SLC10A7: variants seen among roughly 807,000 people sequenced by gnomAD.
The protein encoded by SLC10A7 is sodium/bile acid cotransporter 7.
Under a neutral mutation model 43.2 loss-of-function variants are expected in SLC10A7, and 29 were observed. The observed-to-expected ratio is 0.67, with a 90% CI of 0.50 to 0.92. The LOEUF is 0.92. Ranked by LOEUF, SLC10A7 falls within the 40% of genes least tolerant of loss-of-function variation. SLC10A7 has a pLI of 0.00. For synonymous variants in SLC10A7, 152 were observed against 144.8 expected (o/e 1.05, Z -0.35); for missense variants, 295 against 403.2 (o/e 0.73, Z 2.30).
At position 146,367,671 on chromosome 4, in the gene SLC10A7, G is replaced by A. The variant is rs747976602; in HGVS notation, c.436-41675C>T. Among the ~76,000 whole-genome samples the A allele has an allele frequency of 8.5e-5, 13 of 152,108 alleles. No homozygotes were observed. In the South Asian group the frequency reaches 2.1e-3, roughly 24 times the overall value. ...TAAAATATAAATTGTGAGATCTCCC[G>A]AGAATTAAAGTTTCTGCTTCATTTT... On this transcript the variant is annotated intron_variant, in intron 5 of 11. Transcript: ENST00000335472.
chr4:146,318,111 C>G (rs1316661960), intron 6 of SLC10A7, among the ~76,000 whole-genome samples: 1 of 152,016 alleles, frequency 6.6e-6, no homozygotes, highest in Non-Finnish European at 1.5e-5. Flanking sequence ...CCGATTGACA[C>G]AAATATGCCA....
At chr4:146,373,229 TTGAGAGGCTGAGG>T in intron 5 of SLC10A7, among the ~76,000 whole-genome samples, 1 of 152,056 alleles carries the variant, frequency 6.6e-6, no homozygotes, top group Non-Finnish European at 1.5e-5. Flanking sequence ...TCCCAGTACT[TTGAGAGGCTGAGG>T]TGAGAGGGTT....
chr4:146,432,686 C>G (rs1043009427), intron 5 of SLC10A7, among the ~76,000 whole-genome samples: 1 of 152,138 alleles, frequency 6.6e-6, no homozygotes, highest in Non-Finnish European at 1.5e-5. Flanking sequence ...TGACTGCATA[C>G]ATTTGTCAAA....
intron 11 of SLC10A7, among the ~76,000 whole-genome samples, chr4:146,257,788 C>G (rs1727973796): frequency 6.6e-6 from 1 of 152,162 alleles, no homozygotes; most frequent in African/African-American, 2.4e-5. Context: ...GCAGCCTGAG[C>G]TCTGAGCCCA....
Position 146,521,754 on chromosome 4 carries a change from G to T in SLC10A7, c.-37C>A. ...TGGGTGGGTTTTGTTTATTTGTTTG[G>T]CTTTTTTTCTTTTCAAGCTCCGATC... On this transcript the variant is annotated 5_prime_UTR_variant, in exon 1 of 12. Transcript: ENST00000335472. 1 of 1,564,236 alleles carries T rather than the reference G, an allele frequency of 6.4e-7. No homozygotes were observed. Among genetic ancestry groups the T allele is most frequent in the Non-Finnish European group, 8.8e-7 (1 of 1,135,526 alleles).
chr4:146,480,994 G>GTATCCTGTACACCAGAGCAGCAT (rs1279601882), intron 4 of SLC10A7, among the ~76,000 whole-genome samples: 5 of 152,084 alleles, frequency 3.3e-5, no homozygotes, highest in Non-Finnish European at 7.4e-5. Flanking sequence ...GAAACCTCAG[G>GTATCCTGTACACCAGAGCAGCAT]TCTCCTGTAC....
intron 5 of SLC10A7, among the ~76,000 whole-genome samples, chr4:146,362,736 A>G (rs1736135467): frequency 6.6e-6 from 1 of 152,096 alleles, no homozygotes; most frequent in South Asian, 2.1e-4. Flanking sequence ...TTAAAGCATG[A>G]GATTTTTAGT....
intron 5 of SLC10A7, among the ~76,000 whole-genome samples, chr4:146,360,606 TTTTGTTTG>T (rs1001193864): frequency 1.3e-5 from 2 of 150,362 alleles, no homozygotes; most frequent in Non-Finnish European, 3.0e-5. Context: ...ACACCTGGCT[TTTTGTTTG>T]TTTGTTTGTT....
At chr4:146,412,149 T>C (rs1392889806) in intron 5 of SLC10A7, among the ~76,000 whole-genome samples, 2 of 106,722 alleles carry the variant, frequency 1.9e-5, no homozygotes, top group African/African-American at 6.3e-5. Flanking sequence ...ACTCTGTCCA[T>C]CTAGCCAAAA....
chr4:146,291,416 T>G (rs966226329), intron 9 of SLC10A7, among the ~76,000 whole-genome samples: 1 of 152,174 alleles, frequency 6.6e-6, no homozygotes, highest in Non-Finnish European at 1.5e-5. Context: ...ATCAGCCTAG[T>G]GCTACACCAA....
At chr4:146,354,398 C>G (rs1011231569) in intron 5 of SLC10A7, among the ~76,000 whole-genome samples, 2 of 152,040 alleles carry the variant, frequency 1.3e-5, no homozygotes, top group African/African-American at 2.4e-5. Flanking sequence ...AGGACACAAA[C>G]AAATGGAAGA....
At chr4:146,377,884 A>C (rs1737317071) in intron 5 of SLC10A7, among the ~76,000 whole-genome samples, 1 of 152,202 alleles carries the variant, frequency 6.6e-6, no homozygotes, top group Admixed American at 6.5e-5. Flanking sequence ...ACAAAATTCA[A>C]ACTTCATAGG....
rs1733150139 is a variant in SLC10A7 at position 146,467,559 on chromosome 4, TCTC to T, written c.397-24741_397-24739del. Among the ~76,000 whole-genome samples, 4 of 97,276 alleles carry T rather than the reference TCTC, an allele frequency of 4.1e-5. No individual in the cohort carries two copies. In the Admixed American group the frequency reaches 4.9e-4, roughly 12 times the overall value. The allele number at this position is 97,276 out of a possible 152,430, so 63.8% of individuals were successfully genotyped here. A position where few individuals can be genotyped will look rare whatever the true frequency, so the allele number is the denominator to read the frequency against. On this transcript the variant is annotated intron_variant, in intron 4 of 11. Transcript: ENST00000335472. ...TTTTTGCCCTTTTCTTTTTTCTTTC[TCTC>T]TTTTTTTTTTTTTTTTTTTTTGAGA...
intron 7 of SLC10A7, among the ~76,000 whole-genome samples, chr4:146,295,110 C>T (rs753409892): frequency 7.2e-5 from 11 of 152,098 alleles, no homozygotes; most frequent in Non-Finnish European, 1.5e-4. Flanking sequence ...AGGCTTAATT[C>T]GCAATGGAGC....
intron 4 of SLC10A7, among the ~76,000 whole-genome samples, chr4:146,451,233 A>AAAG (rs1237958085): frequency 1.4e-5 from 2 of 143,316 alleles, no homozygotes; most frequent in Non-Finnish European, 3.0e-5. Flanking sequence ...TCTCCCACCA[A>AAAG]AAAAAAAAAA....
chr4:146,516,776 T>C (rs1270186937), intron 2 of SLC10A7, among the ~76,000 whole-genome samples: 4 of 152,038 alleles, frequency 2.6e-5, no homozygotes, highest in African/African-American at 9.7e-5. Flanking sequence ...AGAACTAAAG[T>C]AGATGCTTCA....
intron 4 of SLC10A7, among the ~76,000 whole-genome samples, chr4:146,488,835 A>C (rs6855854): frequency 0.22 from 34,141 of 152,192 alleles, 4,185 homozygotes; most frequent in South Asian, 0.34. Flanking sequence ...AACACAGAAC[A>C]AAGTTTACCT....
intron 9 of SLC10A7, among the ~76,000 whole-genome samples, chr4:146,290,278 T>C (rs1303569289): frequency 1.4e-5 from 2 of 142,772 alleles, no homozygotes; most frequent in Non-Finnish European, 3.0e-5. Context: ...GAACCGAGAT[T>C]GTGCCACTGC....
chr4:146,421,007 A>G (rs1728926709), intron 5 of SLC10A7, among the ~76,000 whole-genome samples: 1 of 152,100 alleles, frequency 6.6e-6, no homozygotes, highest in African/African-American at 2.4e-5. Context: ...AGCCTGGGGG[A>G]CAGAGCAAGA....
Sources: gnomAD v4.1 joint callset for allele counts (sites outside exome capture counted in the v4.1 genomes callset) on GRCh38, gnomAD v4.1.1 for gene constraint, MANE v1.5 for transcripts, NCBI Gene and HGNC (gene_info 2026-07-23, HGNC 2026-07-21) for gene names.